Variants in PRKCE observed in about 807,000 individuals in gnomAD.
PRKCE encodes protein kinase C epsilon, also known as protein kinase C epsilon type.
A neutral mutation model predicts 85.4 loss-of-function variants in PRKCE; 16 were observed. The observed-to-expected ratio is 0.19, with a 90% CI of 0.13 to 0.28. The LOEUF (loss-of-function observed/expected upper bound fraction) is 0.28. Ranked by LOEUF, PRKCE falls within the 10% of genes least tolerant of loss-of-function variation. The pLI is 1.00. For synonymous variants in PRKCE, 388 were observed against 371.5 expected (o/e 1.04, Z -0.51); for missense variants, 573 against 975.2 (o/e 0.59, Z 5.49).
rs115823872 is a variant in PRKCE at position 45,766,325 on chromosome 2, G to A, written c.349-76675G>A. On this transcript the variant is annotated intron_variant, in intron 1 of 14. Coordinates refer to ENST00000306156, the MANE Select transcript of PRKCE (RefSeq NM_005400.3). ...ATTACCTTTTTTGGTCCTGGGTGCC[G>A]TGCAGACCTCTGTCAATTCTGAAGG... Among the ~76,000 whole-genome samples, 548 of 152,314 alleles carry A rather than the reference G, an allele frequency of 3.6e-3. 5 individuals carry two copies. Among genetic ancestry groups the A allele is most frequent in the African/African-American group, 0.012 (517 of 41,564 alleles).
intron 14 of PRKCE, among the ~76,000 whole-genome samples, chr2:46,166,443 C>T (rs1327233636): frequency 2.0e-5 from 3 of 152,360 alleles, no homozygotes; most frequent in East Asian, 3.9e-4. Flanking sequence ...CTCCAAGAGC[C>T]AGGACTCTGA....
At chr2:45,763,806 C>T (rs986418435) in intron 1 of PRKCE, among the ~76,000 whole-genome samples, 19 of 152,072 alleles carry the variant, frequency 1.2e-4, no homozygotes, top group African/African-American at 4.3e-4. Context: ...CTCTCTCTCA[C>T]GGTGGAGGGA....
intron 2 of PRKCE, among the ~76,000 whole-genome samples, chr2:45,935,902 A>G (rs1289098421): frequency 6.6e-6 from 1 of 152,176 alleles, no homozygotes; most frequent in East Asian, 1.9e-4. Context: ...GTGCTCTGGA[A>G]AGCAGGCACA....
At chr2:46,017,518 C>G (rs1706270645) in intron 10 of PRKCE, among the ~76,000 whole-genome samples, 1 of 152,174 alleles carries the variant, frequency 6.6e-6, no homozygotes, top group South Asian at 2.1e-4. Flanking sequence ...ACATGGTTGT[C>G]TGAATATTTC....
At chr2:46,169,129 T>C (rs1473204520) in intron 14 of PRKCE, among the ~76,000 whole-genome samples, 1 of 152,144 alleles carries the variant, frequency 6.6e-6, no homozygotes. Context: ...CCACATCAAG[T>C]GGAGGACCTT....
intron 2 of PRKCE, among the ~76,000 whole-genome samples, chr2:45,916,605 A>T (rs138269862): frequency 2.1e-3 from 326 of 152,352 alleles, no homozygotes; most frequent in African/African-American, 7.4e-3. Flanking sequence ...AGCAATTTTG[A>T]CATCCTCTCA....
intron 13 of PRKCE, 51 bp downstream of exon 13, chr2:46,151,280 T>A (rs1342339807): frequency 1.8e-5 from 10 of 557,920 alleles, no homozygotes; most frequent in Non-Finnish European, 2.9e-5. Context: ...CTCCTCCCCC[T>A]ACACACACAC....
At chr2:45,674,908 C>T (rs1192639153) in intron 1 of PRKCE, 3 of 152,126 alleles carry the variant, frequency 2.0e-5, no homozygotes, top group African/African-American at 7.2e-5. Flanking sequence ...AACTGTTTGT[C>T]TGGGAAATGG....
At chr2:45,665,699 CTTT>C (rs1159455195) in intron 1 of PRKCE, among the ~76,000 whole-genome samples, 1 of 152,114 alleles carries the variant, frequency 6.6e-6, no homozygotes, top group Non-Finnish European at 1.5e-5. Flanking sequence ...ACAATGAATA[CTTT>C]TTTTTCTATA....
chr2:45,667,432 G>T (rs969265653), intron 1 of PRKCE, among the ~76,000 whole-genome samples: 1 of 152,166 alleles, frequency 6.6e-6, no homozygotes, highest in Non-Finnish European at 1.5e-5. Context: ...ATAGGCGTGA[G>T]CCACCATGCC....
intron 1 of PRKCE, among the ~76,000 whole-genome samples, chr2:45,797,705 T>G (rs1262963094): frequency 6.6e-6 from 1 of 152,206 alleles, no homozygotes; most frequent in African/African-American, 2.4e-5. Context: ...GTCCACATGC[T>G]CAGGAAGGAC....
intron 10 of PRKCE, among the ~76,000 whole-genome samples, chr2:46,069,136 T>C (rs749408411): frequency 2.6e-5 from 4 of 152,196 alleles, no homozygotes; most frequent in Non-Finnish European, 5.9e-5. Context: ...TTGAAGATGC[T>C]TTGAAGAGGA....
rs375477829 is a variant in PRKCE at position 45,885,002 on chromosome 2, T to TTTTTTTGTTG, written c.412+41941_412+41942insTTTTGTTGTT. On this transcript the variant is annotated intron_variant, in intron 2 of 14. Coordinates refer to ENST00000306156, the MANE Select transcript of PRKCE (RefSeq NM_005400.3). ...ATATATATATATATATATATATATA[T>TTTTTTTGTTG]TTGTTGTTGTTGTTGTTGTTTTACC... Among the ~76,000 whole-genome samples the TTTTTTTGTTG allele has an allele frequency of 1.8e-4, 18 of 97,666 alleles. 2 individuals carry two copies. The highest frequency in any genetic ancestry group is 3.4e-4 in the South Asian group (1 of 2,950). 64.1% of individuals were successfully genotyped at this position (97,666 alleles called of 152,430 possible). A position where few individuals can be genotyped will look rare whatever the true frequency, so the allele number is the denominator to read the frequency against.
intron 2 of PRKCE, among the ~76,000 whole-genome samples, chr2:45,854,234 C>T (rs1278033006): frequency 6.6e-6 from 1 of 152,170 alleles, no homozygotes; most frequent in Non-Finnish European, 1.5e-5. Flanking sequence ...GCCGGGAGCA[C>T]CATCCTACCA....
chr2:45,769,395 G>T (rs1040931837), intron 1 of PRKCE, among the ~76,000 whole-genome samples: 1 of 152,064 alleles, frequency 6.6e-6, no homozygotes, highest in African/African-American at 2.4e-5. Flanking sequence ...GCTGGGAGGG[G>T]TGTGTGTGTA....
intron 1 of PRKCE, among the ~76,000 whole-genome samples, chr2:45,776,363 G>A (rs1275724420): frequency 6.6e-6 from 1 of 152,138 alleles, no homozygotes; most frequent in East Asian, 1.9e-4. Flanking sequence ...TTTTCTGCTG[G>A]TACACACTCA....
chr2:45,867,666 T>C (rs11125037), intron 2 of PRKCE, among the ~76,000 whole-genome samples: 41,233 of 152,216 alleles, frequency 0.27, 6,524 homozygotes, highest in East Asian at 0.69. Context: ...AGAGGTTTTG[T>C]TTTCCTGCTA....
In PRKCE at chr2:46,096,190, A is replaced by G. The variant is rs566095330; in HGVS notation, c.1592+9828A>G. On this transcript the variant is annotated intron_variant, in intron 11 of 14. Transcript: ENST00000306156. ...TTGTTGTGTTTTCCTGGGTAGAATA[A>G]TTAAACTGTTTGAAATGCAGTTTTC... Among the ~76,000 whole-genome samples the G allele has an allele frequency of 2.8e-4, 43 of 152,364 alleles. 1 individual carries two copies. The South Asian group carries it at 8.7e-3, about 31-fold the overall frequency.
At chr2:46,033,617 G>T (rs909995768) in intron 10 of PRKCE, among the ~76,000 whole-genome samples, 1 of 152,174 alleles carries the variant, frequency 6.6e-6, no homozygotes, top group Non-Finnish European at 1.5e-5. Context: ...GGAGAGAGTT[G>T]ACTTTAGAAT....
Sources: allele counts gnomAD v4.1 joint callset (sites outside exome capture counted in the v4.1 genomes callset), GRCh38; gene constraint gnomAD v4.1.1; transcripts MANE v1.5; gene names NCBI Gene and HGNC (gene_info 2026-07-23, HGNC 2026-07-21).